PLCG1: variants seen among roughly 807,000 people sequenced by gnomAD.
The protein encoded by PLCG1 is 1-phosphatidylinositol 4,5-bisphosphate phosphodiesterase gamma-1.
In PLCG1, 71 loss-of-function variants were observed where a neutral mutation model predicts 177.8. The ratio of observed to expected loss-of-function variants is 0.40; its 90% CI spans 0.33 to 0.49. The LOEUF (loss-of-function observed/expected upper bound fraction) is 0.49. Among genes scored for constraint, PLCG1 ranks in the 20% least tolerant of loss-of-function variants. The pLI, the probability that PLCG1 is intolerant of heterozygous loss-of-function variation, is 0.72. For synonymous variants in PLCG1, 658 were observed against 647.9 expected (o/e 1.02, Z -0.24); for missense variants, 1,281 against 1,709.0 (o/e 0.75, Z 4.42).
Position 41,159,109 on chromosome 20 carries a change from T to C in PLCG1, c.218-497T>C, listed in dbSNP as rs1359837215. ...ATTAGGCCCCTTGCTGAGACTTGTG[T>C]GGGGATGGCTTTAGCAGTTAGGCAT... On this transcript the variant is annotated intron_variant, in intron 1 of 31. Transcript: ENST00000685551. This position sits in a 1 kb window ranked among gnomAD's most constrained non-coding sequence, Gnocchi z 6.0. Among the ~76,000 whole-genome samples the C allele has an allele frequency of 1.3e-5, 2 of 152,118 alleles. No individual in the cohort carries two copies. Among genetic ancestry groups the C allele is most frequent in the African/African-American group, 4.8e-5 (2 of 41,416 alleles).
rs2035729322 is a variant in PLCG1 at position 41,167,243 on chromosome 20, GATGGT to G, written c.2301+389_2301+393del. 6.6e-6 allele frequency among the ~76,000 whole-genome samples: 1 copy of G among 152,194 alleles called. No individual in the cohort carries two copies. The highest frequency in any genetic ancestry group is 2.4e-5 in the African/African-American group (1 of 41,434). On this transcript the variant is annotated intron_variant, in intron 19 of 31. Transcript: ENST00000685551. This position sits in a 1 kb window ranked among gnomAD's most constrained non-coding sequence, Gnocchi z 4.4. Reference sequence around the variant, plus strand: ...GTGGTTGTGGAGCCTCCGCCTGGTGGATGGTATGGAGGGCAGAGCCACAGGAGGTG... The same window carrying G: ...GTGGTTGTGGAGCCTCCGCCTGGTGGATGGAGGGCAGAGCCACAGGAGGTG...
chr20:41,162,229 GTTTTTGTTTTTTTTT>G (rs1157598495), intron 4 of PLCG1: 2 of 276,990 alleles, frequency 7.2e-6, no homozygotes, highest in African/African-American at 6.1e-5. Flanking sequence ...TGTTTGTTTT[GTTTTTGTTTTTTTTT>G]TTTTTTTTTT....
At chr20:41,154,116 G>A (rs1459398442) in intron 1 of PLCG1, among the ~76,000 whole-genome samples, 4 of 152,178 alleles carry the variant, frequency 2.6e-5, no homozygotes, top group Admixed American at 1.3e-4. Flanking sequence ...TTTTGCAGAT[G>A]AAGAAAATGA....
chr20:41,176,087 C>G lies in PLCG1; in HGVS notation c.*1578C>G, dbSNP rs1291968921. The G allele has an allele frequency of 6.6e-6, 1 of 152,136 alleles. No homozygotes were observed. Among genetic ancestry groups the G allele is most frequent in the African/African-American group, 2.4e-5 (1 of 41,414 alleles). 9.4% of individuals were successfully genotyped at this position (152,136 alleles called of 1,614,324 possible). ...CACTGCCAGGTGCCATTCTGATTGC[C>G]TCTAGGACTTGGCAGCTGAAATCTC... On this transcript the variant is annotated 3_prime_UTR_variant, in exon 32 of 32. Coordinates refer to ENST00000685551, the MANE Select transcript of PLCG1 (RefSeq NM_002660.3).
Position 41,167,915 on chromosome 20 carries a change from A to T in PLCG1, c.2365A>T (p.Met789Leu). 6.2e-7 allele frequency: 1 copy of T among 1,612,930 alleles called. No individual in the cohort carries two copies. Among genetic ancestry groups the T allele is most frequent in the African/African-American group, 1.3e-5 (1 of 74,990 alleles). Reference sequence around the variant, plus strand: ...TGGCTTCTATGTAGAGGCAAACCCTATGCCAACTTTCAAGGTACAGCTCAG... The same window carrying T: ...TGGCTTCTATGTAGAGGCAAACCCTTTGCCAACTTTCAAGGTACAGCTCAG... The part of the protein sequence containing the change: ...NPGFYVEANP[M>L]PTFKCAVKAL... The change falls in exon 20 of 32, where the codon ATG (methionine) becomes TTG (leucine). Residue 789 changes from methionine (M) to leucine (L), a missense_variant. This residue lies in a region of PLCG1 where 723 missense variants were observed against 1,030.0 expected (regional missense o/e 0.70). Transcript: ENST00000685551. The surrounding 1 kb of genome is among the most constrained non-coding windows in gnomAD (Gnocchi z 4.4).
In PLCG1 at chr20:41,167,808, T is replaced by C. The variant is rs1452953023; in HGVS notation, c.2302-44T>C. On this transcript the variant is annotated intron_variant, in intron 19 of 31. Transcript: ENST00000685551. The surrounding 1 kb of genome is among the most constrained non-coding windows in gnomAD (Gnocchi z 4.4). The stretch of plus-strand genomic sequence containing the variant: ...GAAACCAGTAGCTGCTTTCTACCTC[T>C]GGGCTCTGGGGCATTAACATATCCC... The C allele has an allele frequency of 7.2e-7, 1 of 1,393,504 alleles. No homozygotes were observed. Among genetic ancestry groups the C allele is most frequent in the Admixed American group, 1.7e-5 (1 of 59,398 alleles). 86.3% of individuals were successfully genotyped at this position (1,393,504 alleles called of 1,614,324 possible).
chr20:41,164,171 C>T lies in PLCG1; in HGVS notation c.1187C>T (p.Thr396Ile). The change falls in exon 12 of 32, where the codon ACC becomes ATC. Residue 396 changes from threonine (T) to isoleucine (I), a missense_variant. Transcript: ENST00000685551. The surrounding 1 kb of genome is among the most constrained non-coding windows in gnomAD (Gnocchi z 6.4). ...TKIKFSDVLH[T>I]IKEHAFVASE... ...ATCAAGTTCTCAGATGTCCTGCACA[C>T]CATCAAGGAGCATGCCTTTGTGGCC... 1 of 1,614,112 alleles carries T rather than the reference C, an allele frequency of 6.2e-7. No individual in the cohort carries two copies. The highest frequency in any genetic ancestry group is 1.1e-5 in the South Asian group (1 of 91,076).
chr20:41,174,376 T>C lies in PLCG1; in HGVS notation c.3833+65T>C. 6.2e-7 allele frequency: 1 copy of C among 1,602,188 alleles called. No individual in the cohort carries two copies. Among genetic ancestry groups the C allele is most frequent in the Admixed American group, 1.7e-5 (1 of 59,744 alleles). On this transcript the variant is annotated intron_variant, in intron 31 of 31. Transcript: ENST00000685551. This position sits in a 1 kb window ranked among gnomAD's most constrained non-coding sequence, Gnocchi z 5.8. ...GGCTAGGTCCTCCTTCTTCAGTGTT[T>C]CTTTCTCCTGGGTAGAAAAGTTGTA...
rs1014028850 is a variant in PLCG1 at position 41,148,984 on chromosome 20, C to A, written c.218-10622C>A. 3.9e-5 allele frequency among the ~76,000 whole-genome samples: 6 copies of A among 152,200 alleles called. No homozygotes were observed. Among genetic ancestry groups the A allele is most frequent in the Non-Finnish European group, 7.3e-5 (5 of 68,032 alleles). Reference sequence around the variant, plus strand: ...CACTCGGGAATTGGGGACCCTAATACTTACTTCATAGTGTTATTTGCAAGT... The same window carrying A: ...CACTCGGGAATTGGGGACCCTAATAATTACTTCATAGTGTTATTTGCAAGT... On this transcript the variant is annotated intron_variant, in intron 1 of 31. Transcript: ENST00000685551. This position sits in a 1 kb window ranked among gnomAD's most constrained non-coding sequence, Gnocchi z 4.3.
rs1422530185 is a variant in PLCG1 at position 41,163,396 on chromosome 20, C to T, written c.808C>T (p.Arg270Cys). 7.4e-6 allele frequency: 12 copies of T among 1,612,738 alleles called. No individual in the cohort carries two copies. The highest frequency in any genetic ancestry group is 1.6e-4 in the Middle Eastern group (1 of 6,082). Reference sequence around the variant, plus strand: ...CCATCAGGAGCTGTGGGCTGTTGATCGCCTCCAGGTGCAGGAGTTCATGCT... The same window carrying T: ...CCATCAGGAGCTGTGGGCTGTTGATTGCCTCCAGGTGCAGGAGTTCATGCT... ...DYQGELWAVD[R>C]LQVQEFMLSF... Residue 270 changes from arginine (R) to cysteine (C), a missense_variant, in exon 9 of 32, where the codon CGC (arginine) becomes TGC (cysteine). This residue lies in a region of PLCG1 where 374 missense variants were observed against 443.8 expected (regional missense o/e 0.84). Transcript: ENST00000685551. The surrounding 1 kb of genome is among the most constrained non-coding windows in gnomAD (Gnocchi z 5.2).
In PLCG1 at chr20:41,159,606, T is replaced by C. The variant is rs865794655; in HGVS notation, c.218T>C (p.Ile73Thr). 2 of 1,613,938 alleles carry C rather than the reference T, an allele frequency of 1.2e-6. No homozygotes were observed. Among genetic ancestry groups the C allele is most frequent in the East Asian group, 2.2e-5 (1 of 44,888 alleles). The change falls in exon 2 of 32, where the codon ATT (isoleucine) becomes ACT (threonine). Residue 73 changes from isoleucine (I) to threonine (T), a missense_variant and splice_region_variant. By Grantham distance (89) the Ile-to-Thr change is moderately conservative. Transcript: ENST00000685551. This position sits in a 1 kb window ranked among gnomAD's most constrained non-coding sequence, Gnocchi z 6.0. ...CTTGGCCTCTTTGCTACCTTCCTAG[T>C]TGACATTCGTGAAATTAAGGAGATC... is the stretch of plus-strand genomic sequence containing the variant. ...SRGADKIEGA[I>T]DIREIKEIRP... is the part of the protein sequence containing the mutation.
In PLCG1 at chr20:41,165,077, G is replaced by A; in HGVS notation, c.1362G>A (p.Gln454=). 1 of 1,613,198 alleles carries A rather than the reference G, an allele frequency of 6.2e-7. No individual in the cohort carries two copies. Among genetic ancestry groups the A allele is most frequent in the Middle Eastern group, 1.6e-4 (1 of 6,062 alleles). The change falls in exon 13 of 32, where the codon CAG becomes CAA. Residue 454 remains glutamine, a synonymous_variant. Transcript: ENST00000685551. The surrounding 1 kb of genome is among the most constrained non-coding windows in gnomAD (Gnocchi z 6.6). ...ISADGLPSPN[Q]LKRKILIKHK... ...CCGACGGGCTCCCCTCACCCAACCA[G>A]CTTAAGAGGAAGATCCTCATCAAGG...
rs1263070867 is a variant in PLCG1, at chr20:41,147,271, T to C, written c.217+9413T>C. ...TTGGAAAAGGTAACATATGTCACTT[T>C]GTTAAGGATTTTGCTGAGGGCCTTT... On this transcript the variant is annotated intron_variant, in intron 1 of 31. Coordinates refer to ENST00000685551, the MANE Select transcript of PLCG1 (RefSeq NM_002660.3). The surrounding 1 kb of genome is among the most constrained non-coding windows in gnomAD (Gnocchi z 4.0). Among the ~76,000 whole-genome samples, 1 of 152,216 alleles carries C rather than the reference T, an allele frequency of 6.6e-6. No individual in the cohort carries two copies. Among genetic ancestry groups the C allele is most frequent in the Non-Finnish European group, 1.5e-5 (1 of 68,038 alleles).
In PLCG1 at chr20:41,163,318, G is replaced by A. The variant is rs760282922; in HGVS notation, c.789+43G>A. On this transcript the variant is annotated intron_variant, in intron 8 of 31. Coordinates refer to ENST00000685551, the MANE Select transcript of PLCG1 (RefSeq NM_002660.3). This position sits in a 1 kb window ranked among gnomAD's most constrained non-coding sequence, Gnocchi z 5.2. The stretch of plus-strand genomic sequence containing the variant: ...TTGGCCCAGGCTGGTAGGTTGTGGG[G>A]GGCTGGGCTCATCCCTGACTGGAGG... The A allele has an allele frequency of 6.3e-7, 1 of 1,597,366 alleles. No homozygotes were observed. The highest frequency in any genetic ancestry group is 1.3e-5 in the African/African-American group (1 of 74,538).
chr20:41,160,033 T>C lies in PLCG1; in HGVS notation c.464+70T>C. ...CCAGGGGGACAGGGACAGCAGACCT[T>C]TGTGTGCCCAGACATCTCCCAGGCC... On this transcript the variant is annotated intron_variant, in intron 3 of 31. Transcript: ENST00000685551. This position sits in a 1 kb window ranked among gnomAD's most constrained non-coding sequence, Gnocchi z 5.5. 1 of 1,600,196 alleles carries C rather than the reference T, an allele frequency of 6.2e-7. No individual in the cohort carries two copies. The highest frequency in any genetic ancestry group is 8.6e-7 in the Non-Finnish European group (1 of 1,167,396).
rs970759649 is a variant in PLCG1, at chr20:41,146,224, C to T, written c.217+8366C>T. 4.1e-4 allele frequency among the ~76,000 whole-genome samples: 63 copies of T among 152,196 alleles called. No individual in the cohort carries two copies. Among genetic ancestry groups the T allele is most frequent in the African/African-American group, 1.4e-3 (57 of 41,452 alleles). Reference sequence around the variant, plus strand: ...CACAGAGGAGGCTGGAGTTAGGAAGCAAGAAAACGAGGTGACCCAGTCCTT... The same window carrying T: ...CACAGAGGAGGCTGGAGTTAGGAAGTAAGAAAACGAGGTGACCCAGTCCTT... On this transcript the variant is annotated intron_variant, in intron 1 of 31. Transcript: ENST00000685551. The surrounding 1 kb of genome is among the most constrained non-coding windows in gnomAD (Gnocchi z 6.3).
Position 41,157,071 on chromosome 20 carries a change from C to G in PLCG1, c.218-2535C>G, listed in dbSNP as rs2035343357. On this transcript the variant is annotated intron_variant, in intron 1 of 31. Transcript: ENST00000685551. The surrounding 1 kb of genome is among the most constrained non-coding windows in gnomAD (Gnocchi z 5.4). The stretch of plus-strand genomic sequence containing the variant: ...AGACAGTACAAGGGATCAGGTGTGG[C>G]CAACAGGAACTTGGGAGCATTGGAT... 6.6e-6 allele frequency among the ~76,000 whole-genome samples: 1 copy of G among 152,242 alleles called. No individual in the cohort carries two copies. Among genetic ancestry groups the G allele is most frequent in the South Asian group, 2.1e-4 (1 of 4,832 alleles).
intron 1 of PLCG1, among the ~76,000 whole-genome samples, chr20:41,152,885 T>G (rs879325777): frequency 6.6e-6 from 1 of 151,992 alleles, no homozygotes; most frequent in Non-Finnish European, 1.5e-5. Context: ...GAGGTAGGAG[T>G]GGCTTGTGCA....
Position 41,167,822 on chromosome 20 carries a change from T to A in PLCG1, c.2302-30T>A. ...CTTTCTACCTCTGGGCTCTGGGGCA[T>A]TAACATATCCCATTGTGTCCTGTTT... On this transcript the variant is annotated intron_variant, in intron 19 of 31. Coordinates refer to ENST00000685551, the MANE Select transcript of PLCG1 (RefSeq NM_002660.3). This position sits in a 1 kb window ranked among gnomAD's most constrained non-coding sequence, Gnocchi z 4.4. 2 of 1,525,230 alleles carry A rather than the reference T, an allele frequency of 1.3e-6. No homozygotes were observed. Among genetic ancestry groups the A allele is most frequent in the Non-Finnish European group, 1.8e-6 (2 of 1,099,194 alleles). The allele number at this position is 1,525,230 out of a possible 1,614,324, so 94.5% of individuals were successfully genotyped here. A position where few individuals can be genotyped will look rare whatever the true frequency, so the allele number is the denominator to read the frequency against.
Sources: gnomAD v4.1 joint callset for allele counts (sites outside exome capture counted in the v4.1 genomes callset) on GRCh38, gnomAD v4.1.1 for gene constraint, gnomAD v4.1.1 regional missense constraint, Gnocchi (gnomAD v3.1) non-coding constraint, MANE v1.5 for transcripts, NCBI Gene and HGNC (gene_info 2026-07-23, HGNC 2026-07-21) for gene names.